Variants in ZDBF2 observed in about 807,000 individuals in gnomAD.
ZDBF2 encodes zinc finger DBF-type containing 2.
A neutral mutation model predicts 9.4 loss-of-function variants in ZDBF2; 6 were observed. The observed-to-expected ratio is 0.64, with a 90% confidence interval of 0.35 to 1.27. ZDBF2 has a LOEUF of 1.27. Among genes scored for constraint, ZDBF2 ranks in the 50% most tolerant of loss-of-function variants. ZDBF2 has a pLI of 0.03. For missense variants in ZDBF2, 2,697 were observed against 2,766.8 expected, an observed-to-expected ratio of 0.97 and a Z score of 0.57; for synonymous variants, 905 against 946.3, an observed-to-expected ratio of 0.96 and a Z score of 0.80.
In ZDBF2 at chr2:206,309,384, A is replaced by G; in HGVS notation, c.4856A>G (p.Gln1619Arg). The change falls in exon 5 of 5, where the codon CAA becomes CGA. Residue 1619 changes from glutamine (Q) to arginine (R), a missense_variant. Coordinates refer to ENST00000374423, the MANE Select transcript of ZDBF2 (RefSeq NM_020923.3). ...DYIILGEPSC[Q>R]SCGSEMNFNV... ...ATTATTCTGGGAGAGCCAAGTTGTCAATCTTGTGGTTCTGAAATGAATTTT... is the reference window on the plus strand; with the variant it reads ...ATTATTCTGGGAGAGCCAAGTTGTCGATCTTGTGGTTCTGAAATGAATTTT... The G allele has an allele frequency of 6.2e-7, 1 of 1,613,752 alleles. No homozygotes were observed. Among genetic ancestry groups the G allele is most frequent in the Non-Finnish European group, 8.5e-7 (1 of 1,179,822 alleles).
Position 206,274,878 on chromosome 2 carries a change from G to A in ZDBF2, c.-171G>A, listed in dbSNP as rs1314803295. ...CGCCGCCGCGGAACCGGAATAAGAA[G>A]GGAGAGCGCCCGGCTCGGTCCTCGG... On this transcript the variant is annotated 5_prime_UTR_variant, in exon 1 of 5. Transcript: ENST00000374423. 3 of 151,976 alleles carry A rather than the reference G, an allele frequency of 2.0e-5. No homozygotes were observed. The highest frequency in any genetic ancestry group is 1.9e-4 in the East Asian group (1 of 5,162). 9.4% of individuals were successfully genotyped at this position (151,976 alleles called of 1,614,324 possible).
chr2:206,307,739 A>G lies in ZDBF2; in HGVS notation c.3211A>G (p.Lys1071Glu), dbSNP rs1025064773. 8.1e-6 allele frequency: 13 copies of G among 1,613,350 alleles called. No homozygotes were observed. Among genetic ancestry groups the G allele is most frequent in the Non-Finnish European group, 1.0e-5 (12 of 1,179,718 alleles). The change falls in exon 5 of 5, where the codon AAA (lysine) becomes GAA (glutamate). Residue 1071 changes from lysine (K) to glutamate (E), a missense_variant. By Grantham distance (56) the Lys-to-Glu change is moderately conservative. Around this residue, in one of 3 missense-constraint regions of ZDBF2, gnomAD observed 1,783 missense variants for 1,776.5 expected, o/e 1.00. Transcript: ENST00000374423. ...GGAAAAACATGTTAATCTGAAGGAC[A>G]AAAACAGTAAATCAGGTGATTCTAA... ...LKEKHVNLKD[K>E]NSKSGDSKIT...
At chr2:206,279,213 T>C (rs758837232) in intron 1 of ZDBF2, among the ~76,000 whole-genome samples, 1 of 152,206 alleles carries the variant, frequency 6.6e-6, no homozygotes, top group Non-Finnish European at 1.5e-5. Flanking sequence ...TCATTTTGGG[T>C]TTGACAGCAT....
At chr2:206,283,936 T>TTC (rs1691464512) in intron 3 of ZDBF2, among the ~76,000 whole-genome samples, 1 of 152,202 alleles carries the variant, frequency 6.6e-6, no homozygotes, top group Non-Finnish European at 1.5e-5. Flanking sequence ...ATTTTGGGAT[T>TTC]ACAGGTGTGA....
intron 3 of ZDBF2, among the ~76,000 whole-genome samples, chr2:206,296,677 A>G (rs1165955509): frequency 1.3e-5 from 2 of 152,216 alleles, no homozygotes; most frequent in Non-Finnish European, 2.9e-5. Flanking sequence ...GTAGTTTGAC[A>G]TGAAACCATA....
intron 4 of ZDBF2, among the ~76,000 whole-genome samples, chr2:206,303,515 G>A (rs573280701): frequency 6.6e-6 from 1 of 152,248 alleles, no homozygotes; most frequent in Admixed American, 6.5e-5. Flanking sequence ...TCCCTGAAAT[G>A]CTTTGGTCAA....
chr2:206,310,185 A>G lies in ZDBF2; in HGVS notation c.5657A>G (p.Asp1886Gly), dbSNP rs768771521. 6.2e-7 allele frequency: 1 copy of G among 1,613,946 alleles called. No individual in the cohort carries two copies. The highest frequency in any genetic ancestry group is 1.1e-5 in the South Asian group (1 of 91,076). The change falls in exon 5 of 5, where the codon GAC becomes GGC. Residue 1886 changes from aspartate (D) to glycine (G), a missense_variant. Physicochemically the swap from Asp to Gly is moderately conservative, Grantham distance 94. This residue lies in a region of ZDBF2 where 1,783 missense variants were observed against 1,776.5 expected (regional missense o/e 1.00). Transcript: ENST00000374423. Reference protein sequence around the residue: ...VTWADLQGKEDTAPTQAVSES... With the variant: ...VTWADLQGKEGTAPTQAVSES... ...TGGGCTGACTTGCAAGGTAAGGAGG[A>G]CACTGCACCAACTCAAGCTGTGTCA...
At position 206,310,080 on chromosome 2, in the gene ZDBF2, G is replaced by T. The variant is rs376228554; in HGVS notation, c.5552G>T (p.Arg1851Met). The T allele has an allele frequency of 6.2e-7, 1 of 1,613,668 alleles. No homozygotes were observed. The highest frequency in any genetic ancestry group is 8.5e-7 in the Non-Finnish European group (1 of 1,179,860). ...ATTAATGCTCTGGTGAAGGAGTTTA[G>T]GGAAGGTCGTTTCCACTGTTACTTT... Reference protein sequence around the residue: ...IKINALVKEFREGRFHCYFDD... With the variant: ...IKINALVKEFMEGRFHCYFDD... Residue 1851 changes from arginine to methionine, a missense_variant, in exon 5 of 5, where the codon AGG becomes ATG. Around this residue, in one of 3 missense-constraint regions of ZDBF2, gnomAD observed 1,783 missense variants for 1,776.5 expected, o/e 1.00. Coordinates refer to ENST00000374423, the MANE Select transcript of ZDBF2 (RefSeq NM_020923.3).
In ZDBF2 at chr2:206,307,681, A is replaced by G; in HGVS notation, c.3153A>G (p.Ser1051=). ...TGGATTCTAATGTTCCACCTCAGTC[A>G]ATGACTGACCAACCTCAACTAGCTT... is the stretch of plus-strand genomic sequence containing the variant. The part of the protein sequence containing the change: ...IILDSNVPPQ[S]MTDQPQLAFL... Residue 1051 remains serine (S), a synonymous_variant, in exon 5 of 5, where the codon TCA becomes TCG. Transcript: ENST00000374423. 1 of 1,613,464 alleles carries G rather than the reference A, an allele frequency of 6.2e-7. No homozygotes were observed. The highest frequency in any genetic ancestry group is 8.5e-7 in the Non-Finnish European group (1 of 1,179,694).
In ZDBF2 at chr2:206,306,186, C is replaced by T. The variant is rs541898298; in HGVS notation, c.1658C>T (p.Pro553Leu). ...VFPLQSVVDR[P>L]PVAVTETKLR... is the part of the protein sequence containing the mutation. Reference sequence around the variant, plus strand: ...CCACTGCAGTCAGTGGTTGACAGACCCCCAGTGGCTGTCACAGAAACAAAA... The same window carrying T: ...CCACTGCAGTCAGTGGTTGACAGACTCCCAGTGGCTGTCACAGAAACAAAA... The change falls in exon 5 of 5, where the codon CCC becomes CTC. Residue 553 changes from proline (P) to leucine (L), a missense_variant. By Grantham distance (98) the Pro-to-Leu change is moderately conservative. Around this residue, in one of 3 missense-constraint regions of ZDBF2, gnomAD observed 910 missense variants for 973.6 expected, o/e 0.93. Transcript: ENST00000374423. 9 of 1,613,602 alleles carry T rather than the reference C, an allele frequency of 5.6e-6. No individual in the cohort carries two copies. The highest frequency in any genetic ancestry group is 7.6e-6 in the Non-Finnish European group (9 of 1,179,778).
chr2:206,298,926 G>A (rs1304620777), intron 4 of ZDBF2, among the ~76,000 whole-genome samples: 1 of 151,846 alleles, frequency 6.6e-6, no homozygotes, highest in Non-Finnish European at 1.5e-5. Context: ...TGTTGGCCAG[G>A]CTGTAGTGCT....
intron 2 of ZDBF2, 126 bp from the exon 3 acceptor site, chr2:206,281,675 C>T (rs976123683): frequency 5.2e-6 from 3 of 571,858 alleles, no homozygotes; most frequent in Middle Eastern, 4.5e-4. Context: ...TTCAGTGGCT[C>T]ATGGCAGCCT....
chr2:206,310,575 A>T lies in ZDBF2; in HGVS notation c.6047A>T (p.Asn2016Ile). ...KALVCVLSSLNIKLKEGEGLP... is the reference protein window; with the variant it reads ...KALVCVLSSLIIKLKEGEGLP... The stretch of plus-strand genomic sequence containing the variant: ...TTAGTCTGTGTTCTTTCTTCTTTAA[A>T]TATTAAACTGAAAGAGGGTGAAGGC... Residue 2016 changes from asparagine (N) to isoleucine (I), a missense_variant, in exon 5 of 5, where the codon AAT becomes ATT. By Grantham distance (149) the Asn-to-Ile change is moderately radical. Transcript: ENST00000374423. The T allele has an allele frequency of 6.2e-7, 1 of 1,612,450 alleles. No individual in the cohort carries two copies. The highest frequency in any genetic ancestry group is 8.5e-7 in the Non-Finnish European group (1 of 1,179,114).
Position 206,310,928 on chromosome 2 carries a change from G to A in ZDBF2, c.6400G>A (p.Val2134Ile). ...DSSLFLEESKVLHARELPKKR... is the reference protein window; with the variant it reads ...DSSLFLEESKILHARELPKKR... ...TTCTCTGTTTCTGGAAGAATCAAAG[G>A]TTCTGCATGCTCGTGAGCTTCCAAA... The change falls in exon 5 of 5, where the codon GTT becomes ATT. Residue 2134 changes from valine to isoleucine, a missense_variant. Val to Ile is a conservative substitution (Grantham distance 29). This residue lies in a region of ZDBF2 where 1,783 missense variants were observed against 1,776.5 expected (regional missense o/e 1.00). Coordinates refer to ENST00000374423, the MANE Select transcript of ZDBF2 (RefSeq NM_020923.3). 2 of 1,613,858 alleles carry A rather than the reference G, an allele frequency of 1.2e-6. No homozygotes were observed. Among genetic ancestry groups the A allele is most frequent in the Non-Finnish European group, 8.5e-7 (1 of 1,179,884 alleles).
chr2:206,306,195 C>G lies in ZDBF2; in HGVS notation c.1667C>G (p.Ala556Gly). 6.2e-7 allele frequency: 1 copy of G among 1,613,628 alleles called. No individual in the cohort carries two copies. The highest frequency in any genetic ancestry group is 1.7e-5 in the Admixed American group (1 of 59,938). The change falls in exon 5 of 5, where the codon GCT (alanine) becomes GGT (glycine). Residue 556 changes from alanine (A) to glycine (G), a missense_variant. Ala to Gly is a moderately conservative substitution (Grantham distance 60, BLOSUM62 0). Around this residue, in one of 3 missense-constraint regions of ZDBF2, gnomAD observed 910 missense variants for 973.6 expected, o/e 0.93. Transcript: ENST00000374423. ...LQSVVDRPPVAVTETKLRKKA... is the reference protein window; with the variant it reads ...LQSVVDRPPVGVTETKLRKKA... ...TCAGTGGTTGACAGACCCCCAGTGG[C>G]TGTCACAGAAACAAAACTTCGGAAG...
In ZDBF2 at chr2:206,310,825, A is replaced by G. The variant is rs1231467615; in HGVS notation, c.6297A>G (p.Gly2099=). The change falls in exon 5 of 5, where the codon GGA becomes GGG. Residue 2099 remains glycine, a synonymous_variant. Coordinates refer to ENST00000374423, the MANE Select transcript of ZDBF2 (RefSeq NM_020923.3). ...GTGCAGGAGATAATGATGCTGATGG[A>G]CAAGGCTCTGCTTCAGCGCCTTTAA... ...NSSAGDNDAD[G]QGSASAPLMA... 1.2e-6 allele frequency: 2 copies of G among 1,614,024 alleles called. No homozygotes were observed. The highest frequency in any genetic ancestry group is 2.2e-5 in the East Asian group (1 of 44,890).
In ZDBF2 at chr2:206,310,668, G is replaced by A. The variant is rs765117268; in HGVS notation, c.6140G>A (p.Arg2047Gln). Residue 2047 changes from arginine to glutamine, a missense_variant, in exon 5 of 5, where the codon CGG becomes CAG. By Grantham distance (43) the Arg-to-Gln change is conservative (BLOSUM62 1). Coordinates refer to ENST00000374423, the MANE Select transcript of ZDBF2 (RefSeq NM_020923.3). ...ATTCGGTTTATATGCAAATATAAACGGAATATCTTTGATTATTATGAGCCC... is the reference window on the plus strand; with the variant it reads ...ATTCGGTTTATATGCAAATATAAACAGAATATCTTTGATTATTATGAGCCC... ...NDIRFICKYK[R>Q]NIFDYYEPLI... is the part of the protein sequence containing the mutation. 2.5e-5 allele frequency: 41 copies of A among 1,611,090 alleles called. No homozygotes were observed. The highest frequency in any genetic ancestry group is 1.1e-4 in the South Asian group (10 of 90,640).
At position 206,306,178 on chromosome 2, in the gene ZDBF2, T is replaced by G. The variant is rs777815954; in HGVS notation, c.1650T>G (p.Val550=). Residue 550 remains valine (V), a synonymous_variant, in exon 5 of 5, where the codon GTT becomes GTG. Transcript: ENST00000374423. The stretch of plus-strand genomic sequence containing the variant: ...CTGTTTTCCCACTGCAGTCAGTGGT[T>G]GACAGACCCCCAGTGGCTGTCACAG... ...ADSVFPLQSV[V]DRPPVAVTET... 6.2e-7 allele frequency: 1 copy of G among 1,613,744 alleles called. No individual in the cohort carries two copies. The highest frequency in any genetic ancestry group is 1.1e-5 in the South Asian group (1 of 91,072).
In ZDBF2 at chr2:206,310,617, T is replaced by G. The variant is rs1358991144; in HGVS notation, c.6089T>G (p.Met2030Arg). ...KEGEGLPFPK[M>R]RHHSWDNDIR... ...GGTGAAGGCCTTCCTTTCCCTAAAA[T>G]GAGGCACCATAGTTGGGATAATGAT... Residue 2030 changes from methionine (M) to arginine (R), a missense_variant, in exon 5 of 5, where the codon ATG (methionine) becomes AGG (arginine). Met to Arg is a moderately conservative substitution (Grantham distance 91). Coordinates refer to ENST00000374423, the MANE Select transcript of ZDBF2 (RefSeq NM_020923.3). The G allele has an allele frequency of 6.2e-7, 1 of 1,609,762 alleles. No homozygotes were observed. Among genetic ancestry groups the G allele is most frequent in the African/African-American group, 1.3e-5 (1 of 74,856 alleles).
Sources: allele counts gnomAD v4.1 joint callset (sites outside exome capture counted in the v4.1 genomes callset), GRCh38; gene constraint gnomAD v4.1.1; regional missense constraint gnomAD v4.1.1; transcripts MANE v1.5; gene names NCBI Gene and HGNC (gene_info 2026-07-23, HGNC 2026-07-21).